Variants in PSD3 observed in about 807,000 individuals in gnomAD.
PSD3 encodes the protein PH and SEC7 domain-containing protein 3.
In PSD3, 49 loss-of-function variants were observed where a neutral mutation model predicts 105.5. The ratio of observed to expected loss-of-function variants is 0.46; its 90% CI spans 0.37 to 0.59. The LOEUF is 0.59. PSD3 is among the 20% of genes least tolerant of loss of function. The pLI is 0.00. For synonymous variants in PSD3, 557 were observed against 457.8 expected, an observed-to-expected ratio of 1.22 and a Z score of -2.77; for missense variants, 1,561 against 1,263.8, an observed-to-expected ratio of 1.24 and a Z score of -3.57.
chr8:18,866,532 A>G (rs1816945678), intron 4 of PSD3, among the ~76,000 whole-genome samples: 1 of 152,186 alleles, frequency 6.6e-6, no homozygotes, highest in Non-Finnish European at 1.5e-5. Flanking sequence ...TTGCCCAAGT[A>G]CTTCAGACCA....
intron 9 of PSD3, among the ~76,000 whole-genome samples, chr8:18,671,060 T>C (rs1282961150): frequency 1.3e-5 from 2 of 152,204 alleles, no homozygotes; most frequent in Non-Finnish European, 2.9e-5. Flanking sequence ...AGCGAGGGTT[T>C]CATTTGCTGA....
intron 12 of PSD3, among the ~76,000 whole-genome samples, chr8:18,590,653 T>C (rs1390694614): frequency 6.6e-6 from 1 of 151,434 alleles, no homozygotes; most frequent in African/African-American, 2.4e-5. Flanking sequence ...GATATGTGCA[T>C]GTGTGTGTGT....
At chr8:19,025,686 T>A (rs192758353) in intron 1 of PSD3, among the ~76,000 whole-genome samples, 7 of 152,212 alleles carry the variant, frequency 4.6e-5, no homozygotes, top group African/African-American at 1.7e-4. Context: ...GGCATCTGAA[T>A]TGGGGAAAGT....
Position 18,572,659 on chromosome 8 carries a change from T to A in PSD3, c.2653A>T (p.Met885Leu). 1 of 1,613,966 alleles carries A rather than the reference T, an allele frequency of 6.2e-7. No homozygotes were observed. The highest frequency in any genetic ancestry group is 8.5e-7 in the Non-Finnish European group (1 of 1,179,868). ...TTGATTTTGTTTATCCACCCTTGCA[T>A]TTCCTCTGGGCTCCTATGAGAAATA... The part of the protein sequence containing the change: ...LLFQTQSPEE[M>L]QGWINKINCV... The change falls in exon 14 of 16, where the codon ATG becomes TTG. Residue 885 changes from methionine to leucine, a missense_variant. Coordinates refer to ENST00000327040, the MANE Select transcript of PSD3 (RefSeq NM_015310.4).
chr8:18,801,938 A>G (rs1358557157), intron 6 of PSD3, among the ~76,000 whole-genome samples: 3 of 152,166 alleles, frequency 2.0e-5, no homozygotes, highest in Non-Finnish European at 2.9e-5. Flanking sequence ...ACCAAGTGTC[A>G]AGTAGCCAAT....
intron 4 of PSD3, among the ~76,000 whole-genome samples, chr8:18,851,478 G>A (rs1815555294): frequency 6.6e-6 from 1 of 152,230 alleles, no homozygotes; most frequent in African/African-American, 2.4e-5. Context: ...CTTCAGGACA[G>A]GATTCCAGAG....
In PSD3 at chr8:18,632,824, C is replaced by T. The variant is rs766758230; in HGVS notation, c.2217-18G>A. 2.0e-6 allele frequency: 3 copies of T among 1,515,012 alleles called. No homozygotes were observed. The highest frequency in any genetic ancestry group is 2.7e-6 in the Non-Finnish European group (3 of 1,104,372). The allele number at this position is 1,515,012 out of a possible 1,614,324, so 93.8% of individuals were successfully genotyped here. On this transcript the variant is annotated intron_variant, in intron 10 of 15. Transcript: ENST00000327040. ...CATCATCTCTAAAAGGGAGAAAGCA[C>T]AAAGACTGAGTCAAGCACCTATCAT...
chr8:18,910,952 A>C (rs571221733), intron 2 of PSD3, among the ~76,000 whole-genome samples: 5 of 152,154 alleles, frequency 3.3e-5, no homozygotes, highest in African/African-American at 1.2e-4. Flanking sequence ...AAAAAAAAAA[A>C]AATAAGTTAG....
intron 11 of PSD3, among the ~76,000 whole-genome samples, chr8:18,630,258 T>G (rs1019521472): frequency 6.6e-6 from 1 of 151,686 alleles, no homozygotes; most frequent in Non-Finnish European, 1.5e-5. Context: ...GACAGTTAAC[T>G]AAGGCTTTAA....
chr8:19,083,823 G>C (rs531163239), intron 1 of PSD3, among the ~76,000 whole-genome samples: 1 of 152,290 alleles, frequency 6.6e-6, no homozygotes, highest in African/African-American at 2.4e-5. Context: ...TTCTCAAAGT[G>C]GTTAAGATGA....
At chr8:18,991,481 G>A (rs1387381403) in intron 1 of PSD3, among the ~76,000 whole-genome samples, 1 of 151,862 alleles carries the variant, frequency 6.6e-6, no homozygotes, top group Non-Finnish European at 1.5e-5. Flanking sequence ...TGACCTACAG[G>A]CAGGGCCTTC....
At chr8:18,888,938 T>C (rs980091102) in intron 2 of PSD3, among the ~76,000 whole-genome samples, 5 of 152,184 alleles carry the variant, frequency 3.3e-5, no homozygotes, top group Admixed American at 6.5e-5. Flanking sequence ...ATTGTGAGCA[T>C]CCCATAAGCT....
At chr8:19,080,665 AAC>A (rs1829616004) in intron 1 of PSD3, among the ~76,000 whole-genome samples, 1 of 152,164 alleles carries the variant, frequency 6.6e-6, no homozygotes, top group South Asian at 2.1e-4. Context: ...CTAAACCCTG[AAC>A]AGTCTTACAA....
intron 9 of PSD3, among the ~76,000 whole-genome samples, chr8:18,702,801 AC>A (rs1479677279): frequency 6.6e-6 from 1 of 151,772 alleles, no homozygotes; most frequent in Non-Finnish European, 1.5e-5. Context: ...TTTAGTAGAG[AC>A]AGGGTTTCAC....
intron 4 of PSD3, among the ~76,000 whole-genome samples, chr8:18,829,649 G>A (rs997462370): frequency 4.6e-5 from 7 of 152,002 alleles, no homozygotes; most frequent in African/African-American, 1.7e-4. Context: ...TACTCCTCCT[G>A]CAAGGCTCAA....
At chr8:19,001,579 T>C (rs1054447288) in intron 1 of PSD3, 1 of 151,966 alleles carries the variant, frequency 6.6e-6, no homozygotes, top group African/African-American at 2.4e-5. Flanking sequence ...CAAAGGCCTT[T>C]AGAAATTCTC....
chr8:18,634,600 T>C (rs1163463051), intron 10 of PSD3, among the ~76,000 whole-genome samples: 1 of 152,168 alleles, frequency 6.6e-6, no homozygotes, highest in Non-Finnish European at 1.5e-5. Context: ...TCTTCCAGTC[T>C]GTAACAGTTC....
At chr8:18,889,124 C>T (rs1179517296) in intron 2 of PSD3, among the ~76,000 whole-genome samples, 2 of 152,144 alleles carry the variant, frequency 1.3e-5, no homozygotes, top group African/African-American at 2.4e-5. Context: ...CCCCCTAAAA[C>T]ACCATTTCAA....
At chr8:18,836,989 C>A (rs78678896) in intron 4 of PSD3, among the ~76,000 whole-genome samples, 1 of 150,380 alleles carries the variant, frequency 6.6e-6, no homozygotes, top group Admixed American at 6.6e-5. Flanking sequence ...AGACCTTGCT[C>A]AAATCAAGTT....
Sources: allele counts gnomAD v4.1 joint callset (sites outside exome capture counted in the v4.1 genomes callset), GRCh38; gene constraint gnomAD v4.1.1; transcripts MANE v1.5; gene names NCBI Gene and HGNC (gene_info 2026-07-23, HGNC 2026-07-21).